The following ANKRD36C variants were observed in gnomAD, a reference collection of about 807,000 sequenced individuals.
The protein encoded by ANKRD36C is ankyrin repeat domain-containing protein 36C.
A neutral mutation model predicts 276.4 loss-of-function variants in ANKRD36C; 61 were observed. That is an observed-to-expected ratio of 0.22 (90% CI 0.18 to 0.27). The LOEUF (loss-of-function observed/expected upper bound fraction) is 0.27. Among genes scored for constraint, ANKRD36C ranks in the 10% least tolerant of loss-of-function variants. ANKRD36C has a pLI of 1.00. For missense variants in ANKRD36C, 1,447 were observed against 2,032.3 expected (o/e 0.71, Z 5.54); for synonymous variants, 483 against 680.1 (o/e 0.71, Z 4.51).
At chr2:95,896,953 C>T (rs1459758420) in intron 44 of ANKRD36C, among the ~76,000 whole-genome samples, 2 of 146,980 alleles carry the variant, frequency 1.4e-5, no homozygotes, top group Non-Finnish European at 3.0e-5. Flanking sequence ...TCCTCTCTTT[C>T]TCCTTCCACC....
intron 59 of ANKRD36C, among the ~76,000 whole-genome samples, chr2:95,869,124 TAATC>T (rs1216163087): frequency 6.6e-6 from 1 of 152,208 alleles, no homozygotes. Flanking sequence ...TATCTTTAAA[TAATC>T]AAGTGTAAAA....
At chr2:95,862,094 G>A (rs1380621699) in intron 60 of ANKRD36C, among the ~76,000 whole-genome samples, 2 of 151,988 alleles carry the variant, frequency 1.3e-5, no homozygotes, top group East Asian at 3.9e-4. Context: ...CGCAATATAT[G>A]AGACCAAAGT....
chr2:95,886,493 TAA>T, intron 50 of ANKRD36C, among the ~76,000 whole-genome samples: 1 of 151,696 alleles, frequency 6.6e-6, no homozygotes, highest in Non-Finnish European at 1.5e-5. Context: ...AAAACTAAAA[TAA>T]AAGTGTCAAT....
At chr2:95,876,489 A>G (rs778829685) in exon 59 of ANKRD36C, 3 of 1,608,576 alleles carry the variant, frequency 1.9e-6, no homozygotes, top group Non-Finnish European at 2.5e-6. Flanking sequence ...TCTCCCTCTG[A>G]TGCCATTTCT....
rs71238426 is a variant in ANKRD36C, at chr2:95,904,367, T to C, written c.2654-5031A>G. ...CTCCTTAGTTCTCCTACAGTGTGTA[T>C]GGGTTATTACAACAAGTTTTCTGTC... is the stretch of plus-strand genomic sequence containing the variant. On this transcript the variant is annotated intron_variant, in intron 42 of 66. Coordinates refer to ENST00000456556, the Ensembl canonical transcript of ANKRD36C. Among the ~76,000 whole-genome samples the C allele has an allele frequency of 1.1e-3, 156 of 145,732 alleles. 2 individuals are homozygous for C. Among genetic ancestry groups the C allele is most frequent in the South Asian group, 1.7e-3 (8 of 4,610 alleles).
At chr2:95,966,359 G>A (rs1026298438) in intron 6 of ANKRD36C, among the ~76,000 whole-genome samples, 10 of 152,274 alleles carry the variant, frequency 6.6e-5, no homozygotes, top group African/African-American at 1.7e-4. Context: ...GTGTAAGGAA[G>A]GGGTCCAGTT....
chr2:95,928,172 T>C (rs199523668), intron 26 of ANKRD36C, among the ~76,000 whole-genome samples: 3 of 151,782 alleles, frequency 2.0e-5, no homozygotes, highest in Admixed American at 1.3e-4. Context: ...CAGAAATCAC[T>C]CCAATATTCA....
chr2:95,912,801 T>C (rs186489216), intron 40 of ANKRD36C, among the ~76,000 whole-genome samples: 7 of 151,508 alleles, frequency 4.6e-5, no homozygotes, highest in African/African-American at 4.8e-5. Flanking sequence ...TATGATCCCA[T>C]ATGTCTTTCA....
At chr2:95,971,917 CA>C (rs1416112944) in intron 6 of ANKRD36C, among the ~76,000 whole-genome samples, 2 of 152,032 alleles carry the variant, frequency 1.3e-5, no homozygotes, top group African/African-American at 2.4e-5. Context: ...AAATATTCAC[CA>C]AAATTCCAAA....
chr2:95,971,922 T>C (rs986187618), intron 6 of ANKRD36C, among the ~76,000 whole-genome samples: 3 of 152,170 alleles, frequency 2.0e-5, no homozygotes, highest in Non-Finnish European at 4.4e-5. Context: ...TTCACCAAAA[T>C]TCCAAAATCT....
chr2:95,916,092 T>C (rs1444217187), intron 37 of ANKRD36C, 40 bp from the exon 40 acceptor site: 6 of 1,603,260 alleles, frequency 3.7e-6, no homozygotes, highest in Non-Finnish European at 5.1e-6. Flanking sequence ...TAAGGTATGT[T>C]TCATAGGCTA....
At position 95,918,008 on chromosome 2, in the gene ANKRD36C, A is replaced by C. The variant is rs1337304117; in HGVS notation, c.2274+6T>G. 3.7e-6 allele frequency: 6 copies of C among 1,600,226 alleles called. No homozygotes were observed. Among genetic ancestry groups the C allele is most frequent in the East Asian group, 2.3e-5 (1 of 43,686 alleles). ...TAGAATACAATGTAAATGAGAGTTT[A>C]ATTACCTTCAAGGCTGGTTGTTTCT... is the stretch of plus-strand genomic sequence containing the variant. On this transcript the variant is annotated splice_donor_region_variant and intron_variant, in intron 35 of 66. Transcript: ENST00000456556.
chr2:95,986,045 C>T lies in ANKRD36C; in HGVS notation c.486+706G>A, dbSNP rs2918831. 1.8e-3 allele frequency among the ~76,000 whole-genome samples: 277 copies of T among 152,152 alleles called. 1 individual carries two copies. The highest frequency in any genetic ancestry group is 5.5e-3 in the African/African-American group (227 of 41,466). ...CTGCCAACCTGGTTTCCTCAGAGTC[C>T]TACCAAAATTGATCCCTGGGCAATT... On this transcript the variant is annotated intron_variant, in intron 3 of 66. Coordinates refer to ENST00000456556, the Ensembl canonical transcript of ANKRD36C.
At chr2:95,910,660 C>A in intron 42 of ANKRD36C, 92 bp from the exon 45 acceptor site, 1 of 1,587,056 alleles carries the variant, frequency 6.3e-7, no homozygotes, top group Non-Finnish European at 8.6e-7. Context: ...ACTCTGTCCT[C>A]CTGCCTGTAT....
rs746540932 is a variant in ANKRD36C, at chr2:95,897,422, T to C, written c.2755+1723A>G. 28 of 1,542,580 alleles carry C rather than the reference T, an allele frequency of 1.8e-5. 1 individual carries two copies. In the South Asian group the frequency reaches 3.3e-4, roughly 18 times the overall value. ...TACATTTACTAGTTCACAATATAAA[T>C]GACAGTTTCATTACCTTCAAGCCTG... On this transcript the variant is annotated intron_variant, in intron 44 of 66. Transcript: ENST00000456556.
intron 16 of ANKRD36C, among the ~76,000 whole-genome samples, chr2:95,950,339 A>G (rs1335914558): frequency 6.6e-6 from 1 of 152,250 alleles, no homozygotes. Flanking sequence ...GCTTCTAAAT[A>G]ACACTCTAAA....
At chr2:95,880,887 A>G (rs1478282100) in intron 56 of ANKRD36C, among the ~76,000 whole-genome samples, 1 of 152,380 alleles carries the variant, frequency 6.6e-6, no homozygotes, top group East Asian at 1.9e-4. Context: ...GTTAATATCA[A>G]TGTGGATATA....
rs1413721911 is a variant in ANKRD36C at position 95,893,349 on chromosome 2, C to A, written c.2756-1489G>T. 3.3e-5 allele frequency among the ~76,000 whole-genome samples: 5 copies of A among 151,106 alleles called. No individual in the cohort carries two copies. The South Asian group carries it at 1.0e-3, about 31-fold the overall frequency. On this transcript the variant is annotated intron_variant, in intron 44 of 66. Transcript: ENST00000456556. ...CAATGTGGGGAACTGTATAATCTTA[C>A]AGCCAAGGTCATGTTCCAGACCAGC...
intron 3 of ANKRD36C, among the ~76,000 whole-genome samples, chr2:95,983,752 G>A (rs1260864146): frequency 6.6e-6 from 1 of 151,624 alleles, no homozygotes; most frequent in Admixed American, 6.6e-5. Flanking sequence ...GAGTAGCTGG[G>A]ACTACAGGCG....
Sources: gnomAD v4.1 joint callset for allele counts (sites outside exome capture counted in the v4.1 genomes callset) on GRCh38, gnomAD v4.1.1 for gene constraint, MANE v1.5 for transcripts, NCBI Gene and HGNC (gene_info 2026-07-23, HGNC 2026-07-21) for gene names.